The following FER1L6 variants were observed in gnomAD, a reference collection of about 807,000 sequenced individuals.
FER1L6 encodes fer-1-like protein 6.
A neutral mutation model predicts 219.2 loss-of-function variants in FER1L6; 177 were observed. That is an observed-to-expected ratio of 0.81 (90% CI 0.71 to 0.91). FER1L6 has a LOEUF of 0.91. FER1L6 is among the 40% of genes least tolerant of loss of function. FER1L6 has a pLI of 0.00. For synonymous variants in FER1L6, 768 were observed against 824.3 expected (o/e 0.93, Z 1.17); for missense variants, 2,153 against 2,259.9 (o/e 0.95, Z 0.96).
At chr8:124,082,601 C>A in intron 33 of FER1L6, 143 bp downstream of exon 33, 1 of 699,294 alleles carries the variant, frequency 1.4e-6, no homozygotes, top group Non-Finnish European at 2.4e-6. Context: ...TCCACATCAG[C>A]AGAGCTGGCT....
chr8:123,936,462 G>GTTTTTTTTTT (rs779012175), intron 1 of FER1L6, among the ~76,000 whole-genome samples: 3 of 97,928 alleles, frequency 3.1e-5, no homozygotes, highest in African/African-American at 3.9e-5. Flanking sequence ...ATTGCAGCCT[G>GTTTTTTTTTT]TTTTTTTTTT....
rs1823016116 is a variant in FER1L6 at position 124,111,316 on chromosome 8, A to C, written c.5290-7528A>C. ...AATTGACTTCATCTTCATGCATACCAGTGGCCCATGGTCAGAGCCTTGGCT... is the reference window on the plus strand; with the variant it reads ...AATTGACTTCATCTTCATGCATACCCGTGGCCCATGGTCAGAGCCTTGGCT... On this transcript the variant is annotated intron_variant, in intron 39 of 40. Coordinates refer to ENST00000522917, the MANE Select transcript of FER1L6 (RefSeq NM_001039112.2). This position sits in a 1 kb window ranked among gnomAD's most constrained non-coding sequence, Gnocchi z 5.0. Among the ~76,000 whole-genome samples, 1 of 152,210 alleles carries C rather than the reference A, an allele frequency of 6.6e-6. No individual in the cohort carries two copies. The highest frequency in any genetic ancestry group is 1.5e-5 in the Non-Finnish European group (1 of 68,032).
intron 36 of FER1L6, 73 bp downstream of exon 36, chr8:124,097,432 T>C: frequency 8.8e-7 from 1 of 1,131,614 alleles, no homozygotes; most frequent in Non-Finnish European, 1.3e-6. Context: ...ACATTTTATC[T>C]GGTGTCTGAC....
rs537303879 is a variant in FER1L6 at position 123,853,473 on chromosome 8, T to G, written c.-8+1288T>G. ...CCCGGCCTAAAATAGAAGAAATCAT[T>G]TTTATTCAACAGTTCTTAGAAAGGT... On this transcript the variant is annotated intron_variant, in intron 1 of 40. Coordinates refer to ENST00000522917, the MANE Select transcript of FER1L6 (RefSeq NM_001039112.2). This position sits in a 1 kb window ranked among gnomAD's most constrained non-coding sequence, Gnocchi z 6.6. 1.6e-4 allele frequency among the ~76,000 whole-genome samples: 25 copies of G among 152,322 alleles called. No homozygotes were observed. The highest frequency in any genetic ancestry group is 4.6e-4 in the Admixed American group (7 of 15,302).
At chr8:124,067,617 T>A in intron 27 of FER1L6, 150 bp from the exon 28 acceptor site, 1 of 688,366 alleles carries the variant, frequency 1.5e-6, no homozygotes, top group Non-Finnish European at 2.5e-6. Flanking sequence ...ATCTTTACAG[T>A]GCGGCTTCAT....
intron 1 of FER1L6, among the ~76,000 whole-genome samples, chr8:123,881,853 C>A (rs898224337): frequency 6.6e-6 from 1 of 152,144 alleles, no homozygotes; most frequent in Non-Finnish European, 1.5e-5. Flanking sequence ...AGGACTCCTC[C>A]TTGGTGGGGC....
In FER1L6 at chr8:124,061,847, T is replaced by C; in HGVS notation, c.3148-5T>C. On this transcript the variant is annotated splice_region_variant and splice_polypyrimidine_tract_variant and intron_variant, in intron 24 of 40. Coordinates refer to ENST00000522917, the MANE Select transcript of FER1L6 (RefSeq NM_001039112.2). ...CCCCTTCTTCATCTCATCCTCTCTCTGCAGGAACTGCCTGAGAACGAGCTT... is the reference window on the plus strand; with the variant it reads ...CCCCTTCTTCATCTCATCCTCTCTCCGCAGGAACTGCCTGAGAACGAGCTT... 1.9e-6 allele frequency: 3 copies of C among 1,613,042 alleles called. No homozygotes were observed. The highest frequency in any genetic ancestry group is 2.5e-6 in the Non-Finnish European group (3 of 1,179,928).
At chr8:124,009,695 C>G (rs183806631) in intron 13 of FER1L6, among the ~76,000 whole-genome samples, 1 of 152,058 alleles carries the variant, frequency 6.6e-6, no homozygotes, top group African/African-American at 2.4e-5. Context: ...GGTCATTGAT[C>G]GGGAGGTCCA....
At chr8:123,862,369 G>T (rs1289412016) in intron 1 of FER1L6, among the ~76,000 whole-genome samples, 1 of 129,454 alleles carries the variant, frequency 7.7e-6, no homozygotes, top group East Asian at 2.0e-4. Flanking sequence ...TGTGCTGCTG[G>T]ATTCGGTTTG....
At chr8:124,101,818 T>C (rs1000966366) in intron 38 of FER1L6, among the ~76,000 whole-genome samples, 2 of 152,320 alleles carry the variant, frequency 1.3e-5, no homozygotes, top group South Asian at 2.1e-4. Flanking sequence ...GAGGTCTTGA[T>C]GACATGTGTC....
chr8:124,109,369 G>A (rs2131016256), intron 39 of FER1L6, among the ~76,000 whole-genome samples: 1 of 152,206 alleles, frequency 6.6e-6, no homozygotes, highest in East Asian at 1.9e-4. Context: ...TACTGTACAC[G>A]TGGCTGACAG....
At chr8:123,912,582 A>G (rs914517804) in intron 1 of FER1L6, among the ~76,000 whole-genome samples, 9 of 152,238 alleles carry the variant, frequency 5.9e-5, no homozygotes, top group African/African-American at 2.2e-4. Flanking sequence ...ATTTTTGAGA[A>G]TCTGCCTTAA....
chr8:123,977,396 T>TCCTC (rs1157526126), intron 9 of FER1L6, 21 bp from the exon 10 acceptor site: 8 of 1,605,746 alleles, frequency 5.0e-6, no homozygotes, highest in Non-Finnish European at 6.8e-6. Context: ...ATGACTCATG[T>TCCTC]CCTCCTGGCT....
At chr8:124,115,453 C>T (rs906191649) in intron 39 of FER1L6, among the ~76,000 whole-genome samples, 1 of 152,030 alleles carries the variant, frequency 6.6e-6, no homozygotes, top group Non-Finnish European at 1.5e-5. Flanking sequence ...GTGGAGCTGG[C>T]GCAAGGCTCT....
Position 124,120,052 on chromosome 8 carries a change from T to C in FER1L6, c.*262T>C, listed in dbSNP as rs1458876537. 3 of 361,040 alleles carry C rather than the reference T, an allele frequency of 8.3e-6. No homozygotes were observed. The highest frequency in any genetic ancestry group is 8.9e-5 in the Admixed American group (2 of 22,518). 22.4% of individuals were successfully genotyped at this position (361,040 alleles called of 1,614,324 possible). A position where few individuals can be genotyped will look rare whatever the true frequency, so the allele number is the denominator to read the frequency against. ...CATGGTAATCAACAATGACCTCAAA[T>C]TGACTTAGATCAATGTTTTCTTTAT... On this transcript the variant is annotated 3_prime_UTR_variant, in exon 41 of 41. Coordinates refer to ENST00000522917, the MANE Select transcript of FER1L6 (RefSeq NM_001039112.2).
chr8:123,902,623 C>T (rs1812879314), intron 1 of FER1L6, among the ~76,000 whole-genome samples: 1 of 152,186 alleles, frequency 6.6e-6, no homozygotes, highest in Non-Finnish European at 1.5e-5. Flanking sequence ...ATAGGAATAG[C>T]TACCCCTGCT....
At chr8:123,935,682 C>A (rs1813957198) in intron 1 of FER1L6, among the ~76,000 whole-genome samples, 1 of 152,168 alleles carries the variant, frequency 6.6e-6, no homozygotes, top group South Asian at 2.1e-4. Flanking sequence ...CTCAACACAG[C>A]TCCTGGCAGT....
intron 33 of FER1L6, among the ~76,000 whole-genome samples, chr8:124,085,805 T>C (rs1477169630): frequency 6.6e-6 from 1 of 152,192 alleles, no homozygotes; most frequent in African/African-American, 2.4e-5. Flanking sequence ...ACCTGCCCAG[T>C]GCTGAAAATT....
At chr8:123,942,586 G>A (rs1814283458) in intron 1 of FER1L6, among the ~76,000 whole-genome samples, 1 of 152,156 alleles carries the variant, frequency 6.6e-6, no homozygotes, top group African/African-American at 2.4e-5. Flanking sequence ...TCCAGCTTCT[G>A]GTGGCTCCTT....
Sources: allele counts gnomAD v4.1 joint callset (sites outside exome capture counted in the v4.1 genomes callset), GRCh38; gene constraint gnomAD v4.1.1; non-coding constraint Gnocchi (gnomAD v3.1); transcripts MANE v1.5; gene names NCBI Gene and HGNC (gene_info 2026-07-23, HGNC 2026-07-21).